The following ANKS1B variants were observed in gnomAD, a reference collection of about 807,000 sequenced individuals.
ANKS1B encodes ankyrin repeat and sterile alpha motif domain containing 1B, also known as ankyrin repeat and sterile alpha motif domain-containing protein 1B.
A neutral mutation model predicts 148.3 loss-of-function variants in ANKS1B; 36 were observed. That is an observed-to-expected ratio of 0.24 (90% confidence interval 0.19 to 0.32). The LOEUF (loss-of-function observed/expected upper bound fraction) is 0.32. ANKS1B is among the 10% of genes least tolerant of loss of function. The probability of loss-of-function intolerance (pLI) is 1.00; values close to 1 mark genes in which losing one functional copy is unlikely to be tolerated. For missense variants in ANKS1B, 1,157 were observed against 1,542.6 expected, an observed-to-expected ratio of 0.75 and a Z score of 4.19; for synonymous variants, 542 against 560.8, an observed-to-expected ratio of 0.97 and a Z score of 0.47.
chr12:99,281,883 T>C (rs1415366481), intron 12 of ANKS1B, among the ~76,000 whole-genome samples: 3 of 152,208 alleles, frequency 2.0e-5, no homozygotes, highest in African/African-American at 7.2e-5. Flanking sequence ...CTCAACTTTA[T>C]TTGAACTACA....
chr12:99,624,665 T>C (rs777335319), intron 9 of ANKS1B, among the ~76,000 whole-genome samples: 3 of 152,018 alleles, frequency 2.0e-5, no homozygotes, highest in Non-Finnish European at 2.9e-5. Context: ...ACATCACTAA[T>C]CATCAGAGAA....
At chr12:99,969,143 C>G (rs2095526845) in intron 1 of ANKS1B, among the ~76,000 whole-genome samples, 1 of 152,092 alleles carries the variant, frequency 6.6e-6, no homozygotes, top group Non-Finnish European at 1.5e-5. Context: ...ATATCAAGCA[C>G]CTAGAATTTT....
chr12:99,650,814 G>A (rs886080843), intron 9 of ANKS1B, among the ~76,000 whole-genome samples: 4 of 152,094 alleles, frequency 2.6e-5, no homozygotes, highest in Admixed American at 1.3e-4. Context: ...TTTTAGAATT[G>A]TAAGATCCAC....
intron 12 of ANKS1B, among the ~76,000 whole-genome samples, chr12:99,285,081 A>G (rs2078952619): frequency 6.6e-6 from 1 of 152,172 alleles, no homozygotes; most frequent in Admixed American, 6.5e-5. Flanking sequence ...TCATCCAAAA[A>G]TTTCCTTTTA....
intron 1 of ANKS1B, among the ~76,000 whole-genome samples, chr12:99,962,971 A>G (rs1351193276): frequency 6.6e-6 from 1 of 151,378 alleles, no homozygotes; most frequent in Non-Finnish European, 1.5e-5. Context: ...CCACCACCAC[A>G]CCCGGAGAAT....
chr12:98,814,616 T>C (rs1055974482), intron 19 of ANKS1B, among the ~76,000 whole-genome samples: 8 of 152,172 alleles, frequency 5.3e-5, no homozygotes, highest in Non-Finnish European at 8.8e-5. Context: ...CATACCTAGG[T>C]GTCAAAAGGC....
chr12:98,951,714 C>T (rs1043652776), intron 17 of ANKS1B, among the ~76,000 whole-genome samples: 14 of 152,212 alleles, frequency 9.2e-5, no homozygotes, highest in Admixed American at 2.0e-4. Flanking sequence ...CTCTCCTCTC[C>T]ATCTGTCACC....
chr12:98,772,936 C>A, intron 25 of ANKS1B, 106 bp downstream of exon 25: 2 of 1,284,670 alleles, frequency 1.6e-6, no homozygotes, highest in Non-Finnish European at 2.2e-6. Flanking sequence ...ATCTTAATAC[C>A]GGGTAAACAA....
chr12:99,361,060 A>G (rs1329651216), intron 12 of ANKS1B, among the ~76,000 whole-genome samples: 1 of 152,102 alleles, frequency 6.6e-6, no homozygotes, highest in African/African-American at 2.4e-5. Flanking sequence ...CAGCAGGGTG[A>G]CTATAGGGTG....
chr12:98,831,216 G>A (rs1350961361), intron 18 of ANKS1B: 2 of 151,916 alleles, frequency 1.3e-5, no homozygotes, highest in Non-Finnish European at 2.9e-5. Flanking sequence ...CAAAGTGCTG[G>A]GATCACAGGC....
chr12:98,848,558 G>T (rs2099497204), intron 17 of ANKS1B, among the ~76,000 whole-genome samples: 1 of 145,306 alleles, frequency 6.9e-6, no homozygotes. Flanking sequence ...AGTAATTTGT[G>T]ATTTTTTTTT....
intron 15 of ANKS1B, among the ~76,000 whole-genome samples, chr12:99,117,806 G>A (rs1413794515): frequency 6.6e-6 from 1 of 152,130 alleles, no homozygotes; most frequent in Non-Finnish European, 1.5e-5. Context: ...GGTAGAATTC[G>A]GCTGTGAATC....
chr12:98,872,713 G>C (rs543737139), intron 17 of ANKS1B, among the ~76,000 whole-genome samples: 1 of 152,220 alleles, frequency 6.6e-6, no homozygotes, highest in South Asian at 2.1e-4. Flanking sequence ...TCTCAGAAGA[G>C]ACAACCGTGC....
intron 9 of ANKS1B, among the ~76,000 whole-genome samples, chr12:99,539,363 G>A (rs1466660447): frequency 1.3e-5 from 2 of 152,112 alleles, no homozygotes; most frequent in African/African-American, 4.8e-5. Context: ...AAGGGAGGAG[G>A]AAATATTGGG....
chr12:99,300,499 C>T (rs969189447), intron 12 of ANKS1B, among the ~76,000 whole-genome samples: 2 of 151,478 alleles, frequency 1.3e-5, no homozygotes, highest in African/African-American at 4.8e-5. Context: ...ACACAGAAAA[C>T]ATAGACCAAA....
At chr12:99,112,964 C>A (rs2060609477) in intron 15 of ANKS1B, among the ~76,000 whole-genome samples, 1 of 152,178 alleles carries the variant, frequency 6.6e-6, no homozygotes, top group South Asian at 2.1e-4. Flanking sequence ...CCAAAGGGCT[C>A]ACAGATAATG....
intron 8 of ANKS1B, among the ~76,000 whole-genome samples, chr12:99,684,069 T>C (rs746220181): frequency 1.3e-5 from 2 of 151,970 alleles, no homozygotes; most frequent in Non-Finnish European, 2.9e-5. Flanking sequence ...ATGCCCACTC[T>C]CACCAATTCT....
intron 1 of ANKS1B, among the ~76,000 whole-genome samples, chr12:99,826,131 T>A (rs976153799): frequency 6.6e-6 from 1 of 152,342 alleles, no homozygotes; most frequent in African/African-American, 2.4e-5. Context: ...CTGATGGTCA[T>A]AGTGATATCA....
At chr12:99,913,356 G>T (rs2094066118) in intron 1 of ANKS1B, among the ~76,000 whole-genome samples, 1 of 152,102 alleles carries the variant, frequency 6.6e-6, no homozygotes, top group Non-Finnish European at 1.5e-5. Flanking sequence ...ATCAAATTTT[G>T]TATTGAAAAT....
Sources: gnomAD v4.1 joint callset for allele counts (sites outside exome capture counted in the v4.1 genomes callset) on GRCh38, gnomAD v4.1.1 for gene constraint, MANE v1.5 for transcripts, NCBI Gene and HGNC (gene_info 2026-07-23, HGNC 2026-07-21) for gene names.